Variants in SPIDR observed in about 807,000 individuals in gnomAD.
SPIDR encodes the protein DNA repair-scaffolding protein.
A neutral mutation model predicts 104.6 loss-of-function variants in SPIDR; 93 were observed. The observed-to-expected ratio is 0.89, with a 90% CI of 0.75 to 1.06. The LOEUF (loss-of-function observed/expected upper bound fraction) is 1.06. Ranked by LOEUF, SPIDR falls within the 50% of genes least tolerant of loss-of-function variation. SPIDR has a pLI of 0.00. For synonymous variants in SPIDR, 431 were observed against 416.9 expected, an observed-to-expected ratio of 1.03 and a Z score of -0.41; for missense variants, 1,154 against 1,111.2, an observed-to-expected ratio of 1.04 and a Z score of -0.55.
chr8:47,335,942 A>G (rs1297289234), intron 5 of SPIDR, among the ~76,000 whole-genome samples: 4 of 147,576 alleles, frequency 2.7e-5, no homozygotes, highest in African/African-American at 1.0e-4. Context: ...TTAATTCTGC[A>G]TTTGTCTAGC....
intron 5 of SPIDR, among the ~76,000 whole-genome samples, chr8:47,326,593 C>T (rs891127239): frequency 6.6e-6 from 1 of 152,342 alleles, no homozygotes; most frequent in East Asian, 1.9e-4. Context: ...AGACACTATA[C>T]TATTAAGCAT....
In SPIDR at chr8:47,572,673, AAAATAAATAAATAAAT is replaced by A. The variant is rs56105115; in HGVS notation, c.1098-23115_1098-23100del. Among the ~76,000 whole-genome samples, 233 of 145,874 alleles carry A rather than the reference AAAATAAATAAATAAAT, an allele frequency of 1.6e-3. 1 individual carries two copies. Among genetic ancestry groups the A allele is most frequent in the South Asian group, 0.015 (69 of 4,568 alleles). ...CAAGACTCCATCTCAAAATTAAATT[AAAATAAATAAATAAAT>A]AAATAAATAAATAAATAAATAACTT... On this transcript the variant is annotated intron_variant, in intron 8 of 19. Transcript: ENST00000297423.
chr8:47,620,611 T>G (rs2065011029), intron 10 of SPIDR, among the ~76,000 whole-genome samples: 1 of 150,268 alleles, frequency 6.7e-6, no homozygotes, highest in South Asian at 2.1e-4. Flanking sequence ...ATCGGTTTTG[T>G]TTTTTTGTTT....
intron 8 of SPIDR, among the ~76,000 whole-genome samples, chr8:47,537,697 A>G (rs1033652486): frequency 5.9e-5 from 9 of 152,202 alleles, no homozygotes; most frequent in Admixed American, 3.3e-4. Flanking sequence ...AATGTAAACT[A>G]TGAACTTTAC....
chr8:47,452,504 C>G (rs1264234584), intron 8 of SPIDR, among the ~76,000 whole-genome samples: 1 of 152,142 alleles, frequency 6.6e-6, no homozygotes, highest in Non-Finnish European at 1.5e-5. Flanking sequence ...CATCAAAAAG[C>G]TTATCCACCA....
At chr8:47,729,615 T>C in intron 19 of SPIDR, 150 bp downstream of exon 19, 10 of 798,486 alleles carry the variant, frequency 1.3e-5, no homozygotes, top group African/African-American at 3.5e-5. Context: ...GAAATGCAGA[T>C]ATGTCTGCCA....
At chr8:47,718,886 A>G (rs1446962294) in intron 16 of SPIDR, among the ~76,000 whole-genome samples, 1 of 152,040 alleles carries the variant, frequency 6.6e-6, no homozygotes, top group African/African-American at 2.4e-5. Context: ...CCCAGGTATT[A>G]AGCCCAGCAT....
intron 8 of SPIDR, among the ~76,000 whole-genome samples, chr8:47,545,098 TCTTTCTTTCTTTCTTTC>T (rs1564286602): frequency 3.6e-5 from 5 of 138,510 alleles, no homozygotes; most frequent in African/African-American, 1.1e-4. Flanking sequence ...TTTCTTTCTT[TCTTTCTTTCTTTCTTTC>T]TTTCTTTTTT....
At chr8:47,437,269 G>C (rs1423434792) in intron 7 of SPIDR, among the ~76,000 whole-genome samples, 1 of 119,390 alleles carries the variant, frequency 8.4e-6, no homozygotes, top group African/African-American at 3.4e-5. Flanking sequence ...ACAGTCCCCA[G>C]AGTGTGATAT....
chr8:47,559,098 C>T (rs575046898), intron 8 of SPIDR, among the ~76,000 whole-genome samples: 20 of 152,254 alleles, frequency 1.3e-4, no homozygotes, highest in African/African-American at 4.6e-4. Flanking sequence ...AATGTTTGCT[C>T]TTGTTTCATT....
At chr8:47,268,616 T>C (rs2154212621) in intron 1 of SPIDR, among the ~76,000 whole-genome samples, 1 of 152,174 alleles carries the variant, frequency 6.6e-6, no homozygotes, top group East Asian at 1.9e-4. Flanking sequence ...TGCACGTGGC[T>C]AATATTTTTT....
chr8:47,584,019 A>G (rs1431272876), intron 8 of SPIDR, among the ~76,000 whole-genome samples: 1 of 152,216 alleles, frequency 6.6e-6, no homozygotes, highest in Admixed American at 6.5e-5. Flanking sequence ...GGAGAGTGGA[A>G]TGAACCAAAT....
intron 9 of SPIDR, among the ~76,000 whole-genome samples, chr8:47,596,739 T>G (rs1393190361): frequency 6.6e-6 from 1 of 152,218 alleles, no homozygotes; most frequent in Admixed American, 6.5e-5. Context: ...TCATTAACTT[T>G]TTTACTCTTT....
At chr8:47,311,942 T>A (rs1410519013) in intron 5 of SPIDR, among the ~76,000 whole-genome samples, 1 of 152,144 alleles carries the variant, frequency 6.6e-6, no homozygotes. Flanking sequence ...ATTGTTCAGT[T>A]CCCACCTATG....
At chr8:47,444,691 A>G (rs1293816379) in intron 8 of SPIDR, among the ~76,000 whole-genome samples, 2 of 152,230 alleles carry the variant, frequency 1.3e-5, no homozygotes, top group Non-Finnish European at 2.9e-5. Flanking sequence ...TTCTAGAAGT[A>G]GAAATTATTG....
At chr8:47,626,486 T>C (rs189244181) in intron 10 of SPIDR, among the ~76,000 whole-genome samples, 1 of 152,126 alleles carries the variant, frequency 6.6e-6, no homozygotes, top group African/African-American at 2.4e-5. Flanking sequence ...CACAACCTAC[T>C]CATCTGACAA....
chr8:47,659,129 G>A (rs2073556832), intron 10 of SPIDR, among the ~76,000 whole-genome samples: 1 of 151,832 alleles, frequency 6.6e-6, no homozygotes, highest in Non-Finnish European at 1.5e-5. Flanking sequence ...GAGGTGGTGA[G>A]TGCGCCTGTG....
chr8:47,735,252 G>A (rs1589664895), intron 19 of SPIDR, 55 bp from the exon 20 acceptor site: 1 of 1,568,014 alleles, frequency 6.4e-7, no homozygotes, highest in Non-Finnish European at 8.8e-7. Context: ...CGTGTTGTTG[G>A]GAACAGTACG....
At chr8:47,483,858 T>G (rs2077198302) in intron 8 of SPIDR, among the ~76,000 whole-genome samples, 1 of 152,144 alleles carries the variant, frequency 6.6e-6, no homozygotes, top group Non-Finnish European at 1.5e-5. Flanking sequence ...GTGGCTCCTG[T>G]GCATTCTTAG....
Sources: allele counts gnomAD v4.1 joint callset (sites outside exome capture counted in the v4.1 genomes callset), GRCh38; gene constraint gnomAD v4.1.1; transcripts MANE v1.5; gene names NCBI Gene and HGNC (gene_info 2026-07-23, HGNC 2026-07-21).